PTPRM: variants seen among roughly 807,000 people sequenced by gnomAD.
PTPRM encodes the protein receptor-type tyrosine-protein phosphatase mu.
PTPRM carries 47 observed loss-of-function variants against 186.7 expected under a neutral mutation model. The observed-to-expected ratio is 0.25, with a 90% CI of 0.20 to 0.32. The LOEUF is 0.32. Ranked by LOEUF, PTPRM falls within the 10% of genes least tolerant of loss-of-function variation. PTPRM has a pLI of 1.00. For synonymous variants in PTPRM, 668 were observed against 674.9 expected, an observed-to-expected ratio of 0.99 and a Z score of 0.16; for missense variants, 1,494 against 1,865.0, an observed-to-expected ratio of 0.80 and a Z score of 3.66.
At chr18:7,578,630 T>C (rs551512114) in intron 1 of PTPRM, among the ~76,000 whole-genome samples, 8 of 148,588 alleles carry the variant, frequency 5.4e-5, no homozygotes, top group East Asian at 4.1e-4. Flanking sequence ...CCACAGCGCC[T>C]GGCCAATTTT....
chr18:7,603,769 A>G (rs890593356), intron 1 of PTPRM, among the ~76,000 whole-genome samples: 2 of 152,224 alleles, frequency 1.3e-5, no homozygotes, highest in Non-Finnish European at 2.9e-5. Flanking sequence ...AACACACAGC[A>G]GCCTGTGGAG....
chr18:8,377,577 T>A (rs2095704721), intron 26 of PTPRM: 1 of 152,120 alleles, frequency 6.6e-6, no homozygotes, highest in South Asian at 2.1e-4. Context: ...TGAAAAAAAA[T>A]AATTAAAGGT....
intron 5 of PTPRM, among the ~76,000 whole-genome samples, chr18:7,939,160 A>G (rs2052010973): frequency 6.6e-6 from 1 of 152,228 alleles, no homozygotes; most frequent in African/African-American, 2.4e-5. Context: ...TTCAATCAAT[A>G]TCTCACAAAT....
At chr18:8,247,736 C>T (rs78327892) in intron 15 of PTPRM, 109 bp from the exon 16 acceptor site, 115,952 of 752,778 alleles carry the variant, frequency 0.15, 10,375 homozygotes, top group Non-Finnish European at 0.18. Context: ...CAGTGAGTCC[C>T]GGAGTCACCG....
intron 1 of PTPRM, among the ~76,000 whole-genome samples, chr18:7,734,018 G>A (rs644399): frequency 0.59 from 89,232 of 152,052 alleles, 27,191 homozygotes; most frequent in East Asian, 0.99. Context: ...TAGAGATGAA[G>A]GTTCCTCACA....
intron 2 of PTPRM, among the ~76,000 whole-genome samples, chr18:7,864,814 T>A (rs1475762435): frequency 6.6e-6 from 1 of 152,230 alleles, no homozygotes; most frequent in African/African-American, 2.4e-5. Context: ...TGATATTGAT[T>A]CTTCTTATCC....
At chr18:8,369,901 G>T in intron 23 of PTPRM, among the ~76,000 whole-genome samples, 1 of 152,212 alleles carries the variant, frequency 6.6e-6, no homozygotes, top group Middle Eastern at 3.4e-3. Flanking sequence ...AGTGGGCTGC[G>T]ATCACGCCAC....
intron 2 of PTPRM, among the ~76,000 whole-genome samples, chr18:7,790,981 A>AT (rs2043314933): frequency 6.6e-6 from 1 of 152,068 alleles, no homozygotes; most frequent in African/African-American, 2.4e-5. Flanking sequence ...GATAAAAGGC[A>AT]TGCTCTTTAA....
chr18:7,706,460 G>A lies in PTPRM; in HGVS notation c.74-67689G>A, dbSNP rs140301064. Reference sequence around the variant, plus strand: ...AAAAAATAAAAAAAATTAGCCAAGAGTGGTGGTGGTGCACCTCTGTAATCA... The same window carrying A: ...AAAAAATAAAAAAAATTAGCCAAGAATGGTGGTGGTGCACCTCTGTAATCA... On this transcript the variant is annotated intron_variant, in intron 1 of 32. Transcript: ENST00000580170. Among the ~76,000 whole-genome samples the A allele has an allele frequency of 4.8e-3, 729 of 151,804 alleles. 7 individuals carry two copies. The highest frequency in any genetic ancestry group is 0.016 in the African/African-American group (655 of 41,418).
At chr18:7,670,304 G>A (rs2039191356) in intron 1 of PTPRM, among the ~76,000 whole-genome samples, 1 of 152,090 alleles carries the variant, frequency 6.6e-6, no homozygotes, top group African/African-American at 2.4e-5. Flanking sequence ...AAGCTATAGA[G>A]AGTTCCTTGA....
chr18:8,192,790 G>C (rs1009078820), intron 14 of PTPRM, among the ~76,000 whole-genome samples: 6 of 152,134 alleles, frequency 3.9e-5, no homozygotes, highest in Admixed American at 2.6e-4. Flanking sequence ...GAGATATTCT[G>C]GGAGTCACAA....
intron 7 of PTPRM, among the ~76,000 whole-genome samples, chr18:8,048,814 A>G (rs2087255727): frequency 6.6e-6 from 1 of 152,218 alleles, no homozygotes; most frequent in Non-Finnish European, 1.5e-5. Context: ...ACTAGAGGTA[A>G]TAGTTACATT....
chr18:8,320,819 G>A (rs2095341225), intron 22 of PTPRM, among the ~76,000 whole-genome samples: 1 of 152,184 alleles, frequency 6.6e-6, no homozygotes, highest in Admixed American at 6.5e-5. Flanking sequence ...ATGACTTGAA[G>A]TTGGTAATGG....
intron 14 of PTPRM, among the ~76,000 whole-genome samples, chr18:8,179,329 A>C (rs958396618): frequency 6.6e-6 from 1 of 152,216 alleles, no homozygotes; most frequent in Non-Finnish European, 1.5e-5. Flanking sequence ...ACTTTACTCA[A>C]TTGTTAAAAG....
chr18:8,223,257 G>C (rs1216993802), intron 14 of PTPRM, among the ~76,000 whole-genome samples: 2 of 152,024 alleles, frequency 1.3e-5, no homozygotes, highest in Admixed American at 1.3e-4. Flanking sequence ...ATAAAAACTG[G>C]TTGACTAATT....
chr18:7,892,372 G>C (rs577611619), intron 3 of PTPRM, among the ~76,000 whole-genome samples: 2 of 152,306 alleles, frequency 1.3e-5, no homozygotes, highest in South Asian at 4.1e-4. Flanking sequence ...TGGAAGACCA[G>C]ACTTTAAAAA....
intron 1 of PTPRM, among the ~76,000 whole-genome samples, chr18:7,594,942 G>A (rs1323017150): frequency 6.6e-6 from 1 of 152,110 alleles, no homozygotes; most frequent in Non-Finnish European, 1.5e-5. Flanking sequence ...CCACTTCTCG[G>A]GACTGAGTTT....
intron 5 of PTPRM, among the ~76,000 whole-genome samples, chr18:7,946,480 T>A (rs1363339070): frequency 6.6e-6 from 1 of 152,176 alleles, no homozygotes; most frequent in Non-Finnish European, 1.5e-5. Context: ...TCTTTTTCAG[T>A]TTGGAAAGAA....
At chr18:8,326,470 T>G (rs972402729) in intron 22 of PTPRM, among the ~76,000 whole-genome samples, 3 of 152,174 alleles carry the variant, frequency 2.0e-5, no homozygotes, top group African/African-American at 7.2e-5. Flanking sequence ...AGAGCCCAAA[T>G]AGCCAAGGCA....
Sources: allele counts gnomAD v4.1 joint callset (sites outside exome capture counted in the v4.1 genomes callset), GRCh38; gene constraint gnomAD v4.1.1; transcripts MANE v1.5; gene names NCBI Gene and HGNC (gene_info 2026-07-23, HGNC 2026-07-21).